The following ETS1 variants were observed in gnomAD, a reference collection of about 807,000 sequenced individuals.
The protein encoded by ETS1 is protein C-ets-1.
ETS1 carries 15 observed loss-of-function variants against 58.6 expected under a neutral mutation model. That is an observed-to-expected ratio of 0.26 (90% CI 0.17 to 0.39). The LOEUF is 0.39. Ranked by LOEUF, ETS1 falls within the 10% of genes least tolerant of loss-of-function variation. The probability of loss-of-function intolerance (pLI) is 1.00; values close to 1 mark genes in which losing one functional copy is unlikely to be tolerated. For synonymous variants in ETS1, 214 were observed against 218.2 expected, an observed-to-expected ratio of 0.98 and a Z score of 0.17; for missense variants, 417 against 610.5, an observed-to-expected ratio of 0.68 and a Z score of 3.34.
intron 3 of ETS1, among the ~76,000 whole-genome samples, chr11:128,538,045 A>G (rs528130330): frequency 2.0e-4 from 31 of 152,312 alleles, no homozygotes; most frequent in Admixed American, 1.2e-3. Context: ...AGTCTTGTAT[A>G]TGGTAAATTC....
chr11:128,516,111 C>T (rs144845100), intron 3 of ETS1, among the ~76,000 whole-genome samples: 114 of 152,278 alleles, frequency 7.5e-4, no homozygotes, highest in African/African-American at 2.7e-3. Context: ...ATACATTATA[C>T]AATCAGAAGG....
chr11:128,584,983 AAAGAAAGGAAGGAAGG>A (rs1864951242), intron 1 of ETS1, among the ~76,000 whole-genome samples: 1 of 62,808 alleles, frequency 1.6e-5, no homozygotes, highest in Non-Finnish European at 2.9e-5. Context: ...AGAAAGAAAG[AAAGAAAGGAAGGAAGG>A]AAGGAAAGAA....
chr11:128,578,814 T>C (rs1864804547), intron 1 of ETS1, among the ~76,000 whole-genome samples: 1 of 152,226 alleles, frequency 6.6e-6, no homozygotes, highest in South Asian at 2.1e-4. Flanking sequence ...CTGTCTATCC[T>C]AAAGATGATG....
chr11:128,513,719 C>A (rs1038910473), intron 3 of ETS1, among the ~76,000 whole-genome samples: 9 of 152,188 alleles, frequency 5.9e-5, no homozygotes, highest in African/African-American at 2.2e-4. Flanking sequence ...AACTCTTTCA[C>A]TGAAAATTTC....
Position 128,463,669 on chromosome 11 carries a change from A to G in ETS1, c.1124-42T>C. 9.1e-7 allele frequency: 1 copy of G among 1,095,868 alleles called. No homozygotes were observed. The highest frequency in any genetic ancestry group is 1.4e-6 in the Non-Finnish European group (1 of 708,862). 67.9% of individuals were successfully genotyped at this position (1,095,868 alleles called of 1,614,324 possible). Reference sequence around the variant, plus strand: ...TTGTGAATCATTACACCAGATATTCAGCACTCTACGCAGCTAATCCCCACA... The same window carrying G: ...TTGTGAATCATTACACCAGATATTCGGCACTCTACGCAGCTAATCCCCACA... On this transcript the variant is annotated intron_variant, in intron 8 of 9. Coordinates refer to ENST00000392668, the MANE Select transcript of ETS1 (RefSeq NM_001143820.2). The surrounding 1 kb of genome is among the most constrained non-coding windows in gnomAD (Gnocchi z 4.1).
At chr11:128,500,062 C>T (rs1466661816) in intron 3 of ETS1, among the ~76,000 whole-genome samples, 3 of 152,064 alleles carry the variant, frequency 2.0e-5, no homozygotes, top group Admixed American at 6.5e-5. Flanking sequence ...AAAGTTAGCC[C>T]GGGAAGGGCA....
In ETS1 at chr11:128,460,357, T is replaced by C. The variant is rs1308106287; in HGVS notation, c.*2004A>G. ...CTCCAATTCATCAGTATGGGGACACTCATGAATCACAGAGCTATGTTCCTG... is the reference window on the plus strand; with the variant it reads ...CTCCAATTCATCAGTATGGGGACACCCATGAATCACAGAGCTATGTTCCTG... On this transcript the variant is annotated 3_prime_UTR_variant, in exon 10 of 10. Transcript: ENST00000392668. 1 of 152,772 alleles carries C rather than the reference T, an allele frequency of 6.5e-6. No homozygotes were observed. Among genetic ancestry groups the C allele is most frequent in the Non-Finnish European group, 1.5e-5 (1 of 68,044 alleles). The allele number at this position is 152,772 out of a possible 1,614,324, so 9.5% of individuals were successfully genotyped here.
chr11:128,504,170 C>T (rs1182732327), intron 3 of ETS1, among the ~76,000 whole-genome samples: 1 of 152,212 alleles, frequency 6.6e-6, no homozygotes, highest in Non-Finnish European at 1.5e-5. Context: ...ATTACGCTCA[C>T]TGCTAAACCT....
intron 4 of ETS1, 111 bp downstream of exon 4, chr11:128,490,346 C>T: frequency 1.8e-6 from 2 of 1,114,974 alleles, no homozygotes; most frequent in Non-Finnish European, 1.3e-6. Context: ...CCCATAGCTG[C>T]TGACTCCAAT....
At chr11:128,535,529 C>G (rs1401513814) in intron 3 of ETS1, among the ~76,000 whole-genome samples, 1 of 152,118 alleles carries the variant, frequency 6.6e-6, no homozygotes, top group Admixed American at 6.6e-5. Flanking sequence ...CCTAGATTTT[C>G]TTCTAGGGTT....
chr11:128,474,697 C>A (rs920202220), intron 8 of ETS1, among the ~76,000 whole-genome samples: 17 of 152,214 alleles, frequency 1.1e-4, no homozygotes, highest in African/African-American at 4.1e-4. Flanking sequence ...CTAAACCCAG[C>A]ACCGTGAATG....
rs1471636049 is a variant in ETS1, at chr11:128,461,539, A to G, written c.*822T>C. The G allele has an allele frequency of 6.5e-6, 1 of 152,772 alleles. No individual in the cohort carries two copies. Among genetic ancestry groups the G allele is most frequent in the Non-Finnish European group, 1.5e-5 (1 of 68,030 alleles). The allele number at this position is 152,772 out of a possible 1,614,324, so 9.5% of individuals were successfully genotyped here. A position where few individuals can be genotyped will look rare whatever the true frequency, so the allele number is the denominator to read the frequency against. ...TTTTAATTGTAGATGACATTCACAC[A>G]CATAATTCCCCTGTACCCAAATCAG... is the stretch of plus-strand genomic sequence containing the variant. On this transcript the variant is annotated 3_prime_UTR_variant, in exon 10 of 10. Transcript: ENST00000392668.
chr11:128,571,172 TA>T (rs1210598841), intron 2 of ETS1, among the ~76,000 whole-genome samples: 2 of 152,020 alleles, frequency 1.3e-5, no homozygotes, highest in Non-Finnish European at 2.9e-5. Flanking sequence ...CTCACGCTTG[TA>T]ATCCCAGCAC....
At chr11:128,576,178 C>T (rs1400136172) in intron 1 of ETS1, among the ~76,000 whole-genome samples, 1 of 152,142 alleles carries the variant, frequency 6.6e-6, no homozygotes, top group Non-Finnish European at 1.5e-5. Context: ...GGGCTCTCGT[C>T]TCAGGAAATA....
intron 3 of ETS1, among the ~76,000 whole-genome samples, chr11:128,537,142 C>A (rs1001844785): frequency 6.6e-6 from 1 of 152,166 alleles, no homozygotes; most frequent in African/African-American, 2.4e-5. Context: ...TAGCTCAACT[C>A]TTTCAAATCA....
chr11:128,585,142 A>T (rs1255027845), intron 1 of ETS1, among the ~76,000 whole-genome samples: 1 of 30,420 alleles, frequency 3.3e-5, no homozygotes, highest in African/African-American at 2.4e-4. Context: ...AAAGAAAAGA[A>T]AGAAAGAAAG....
intron 3 of ETS1, among the ~76,000 whole-genome samples, chr11:128,531,378 AC>A (rs2135531810): frequency 6.6e-6 from 1 of 152,328 alleles, no homozygotes; most frequent in African/African-American, 2.4e-5. Context: ...GTAACCCTTC[AC>A]TGCTATTATT....
chr11:128,539,605 A>G (rs1464551253), intron 3 of ETS1, among the ~76,000 whole-genome samples: 1 of 152,226 alleles, frequency 6.6e-6, no homozygotes. Flanking sequence ...CCACAAATAG[A>G]GTTACCATAC....
chr11:128,566,851 C>A (rs929732433), intron 2 of ETS1, among the ~76,000 whole-genome samples: 1 of 151,992 alleles, frequency 6.6e-6, no homozygotes, highest in Non-Finnish European at 1.5e-5. Context: ...ATTCTAAAAC[C>A]CAAGTGCTTT....
Sources: gnomAD v4.1 joint callset for allele counts (sites outside exome capture counted in the v4.1 genomes callset) on GRCh38, gnomAD v4.1.1 for gene constraint, Gnocchi (gnomAD v3.1) non-coding constraint, MANE v1.5 for transcripts, NCBI Gene and HGNC (gene_info 2026-07-23, HGNC 2026-07-21) for gene names.